Variants in MRC2 observed in about 807,000 individuals in gnomAD.
The protein encoded by MRC2 is mannose receptor C-type 2.
In MRC2, 84 loss-of-function variants were observed where a neutral mutation model predicts 206.2. The observed-to-expected ratio is 0.41, with a 90% CI of 0.34 to 0.49. The LOEUF (loss-of-function observed/expected upper bound fraction) is 0.49. Ranked by LOEUF, MRC2 falls within the 20% of genes least tolerant of loss-of-function variation. The probability of loss-of-function intolerance (pLI) is 0.31; values close to 1 mark genes in which losing one functional copy is unlikely to be tolerated. For missense variants in MRC2, 1,676 were observed against 2,001.5 expected, an observed-to-expected ratio of 0.84 and a Z score of 3.10; for synonymous variants, 798 against 800.0, an observed-to-expected ratio of 1.00 and a Z score of 0.04.
chr17:62,652,886 G>A lies in MRC2; in HGVS notation c.119-11662G>A, dbSNP rs1280085040. On this transcript the variant is annotated intron_variant, in intron 1 of 29. Coordinates refer to ENST00000303375, the MANE Select transcript of MRC2 (RefSeq NM_006039.5). The surrounding 1 kb of genome is among the most constrained non-coding windows in gnomAD (Gnocchi z 4.6). ...GGTGGCTTGGGGAGGGGCGCTCCTT[G>A]GAGTTGGGGGCGCACGATGGCGGGG... is the stretch of plus-strand genomic sequence containing the variant. Among the ~76,000 whole-genome samples, 8 of 151,056 alleles carry A rather than the reference G, an allele frequency of 5.3e-5. No homozygotes were observed. Among genetic ancestry groups the A allele is most frequent in the Non-Finnish European group, 1.0e-4 (7 of 67,668 alleles).
chr17:62,664,678 C>T lies in MRC2; in HGVS notation c.249C>T (p.Asn83=), dbSNP rs1362451939. The part of the protein sequence containing the change: ...PAQRWKWVSR[N]RLFNLGTMQC... ...AGCGCTGGAAGTGGGTCTCCCGAAA[C>T]CGGCTATTCAACCTGGGTACCATGC... The change falls in exon 2 of 30, where the codon AAC becomes AAT. Residue 83 remains asparagine, a synonymous_variant. Transcript: ENST00000303375. This position sits in a 1 kb window ranked among gnomAD's most constrained non-coding sequence, Gnocchi z 4.7. The T allele has an allele frequency of 3.1e-6, 5 of 1,614,016 alleles. No individual in the cohort carries two copies. In the South Asian group the frequency reaches 4.4e-5, roughly 14 times the overall value.
intron 19 of MRC2, 55 bp downstream of exon 19, chr17:62,681,992 G>A (rs2088974046): frequency 7.0e-7 from 1 of 1,436,042 alleles, no homozygotes. Context: ...GGTTAATGCT[G>A]GGCGAGCCTG....
intron 6 of MRC2, among the ~76,000 whole-genome samples, chr17:62,670,309 C>G (rs1435400781): frequency 3.3e-5 from 5 of 152,242 alleles, no homozygotes; most frequent in Non-Finnish European, 5.9e-5. Context: ...TCAGCAGCCA[C>G]TAAAATCCGC....
chr17:62,642,134 T>A (rs1321077366), intron 1 of MRC2, among the ~76,000 whole-genome samples: 1 of 152,216 alleles, frequency 6.6e-6, no homozygotes, highest in African/African-American at 2.4e-5. Flanking sequence ...TTATAGCTGT[T>A]TTAAAATTCA....
intron 1 of MRC2, among the ~76,000 whole-genome samples, chr17:62,633,696 C>T (rs1241380037): frequency 1.4e-5 from 2 of 147,186 alleles, no homozygotes; most frequent in Non-Finnish European, 3.0e-5. Context: ...AAAAAAAAAG[C>T]TGGGTGTCCT....
At chr17:62,639,275 C>T (rs1483061081) in intron 1 of MRC2, among the ~76,000 whole-genome samples, 1 of 152,078 alleles carries the variant, frequency 6.6e-6, no homozygotes, top group Non-Finnish European at 1.5e-5. Flanking sequence ...ACCCAGGAGG[C>T]AGAGGTTGTG....
chr17:62,647,448 G>A (rs1166707680), intron 1 of MRC2, among the ~76,000 whole-genome samples: 1 of 151,860 alleles, frequency 6.6e-6, no homozygotes, highest in Non-Finnish European at 1.5e-5. Context: ...GCCTCCTGAA[G>A]TGCTGAGATT....
At chr17:62,654,623 G>A (rs2088595706) in intron 1 of MRC2, among the ~76,000 whole-genome samples, 1 of 152,112 alleles carries the variant, frequency 6.6e-6, no homozygotes, top group South Asian at 2.1e-4. Context: ...GACACAAACT[G>A]TTGTCAAGCC....
chr17:62,658,517 G>A (rs368682529), intron 1 of MRC2, among the ~76,000 whole-genome samples: 1 of 152,208 alleles, frequency 6.6e-6, no homozygotes. Flanking sequence ...CAAGTGAGGG[G>A]AGGTTGGCCT....
In MRC2 at chr17:62,692,008, T is replaced by TC; in HGVS notation, c.4193-100dup. The TC allele has an allele frequency of 6.7e-7, 1 of 1,484,958 alleles. No homozygotes were observed. 92.0% of individuals were successfully genotyped at this position (1,484,958 alleles called of 1,614,324 possible). A position where few individuals can be genotyped will look rare whatever the true frequency, so the allele number is the denominator to read the frequency against. On this transcript the variant is annotated intron_variant, in intron 28 of 29. Transcript: ENST00000303375. This position sits in a 1 kb window ranked among gnomAD's most constrained non-coding sequence, Gnocchi z 4.2. Reference sequence around the variant, plus strand: ...GGGAGGGGGAACTAGAGCCTCTTTCTCCCCAGACCTCCCGGCCCAGGCCTG... The same window carrying TC: ...GGGAGGGGGAACTAGAGCCTCTTTCTCCCCCAGACCTCCCGGCCCAGGCCTG...
chr17:62,669,585 A>G (rs1318055251), intron 6 of MRC2, among the ~76,000 whole-genome samples: 1 of 151,950 alleles, frequency 6.6e-6, no homozygotes, highest in Non-Finnish European at 1.5e-5. Flanking sequence ...GCTGGAGTGC[A>G]GTGGCACAAT....
At chr17:62,654,913 G>A (rs898390381) in intron 1 of MRC2, among the ~76,000 whole-genome samples, 7 of 152,234 alleles carry the variant, frequency 4.6e-5, no homozygotes, top group African/African-American at 1.4e-4. Context: ...GCCAAGGTAG[G>A]AGGATCAGGA....
chr17:62,664,884 A>G lies in MRC2; in HGVS notation c.455A>G (p.Gln152Arg). 4 of 1,613,590 alleles carry G rather than the reference A, an allele frequency of 2.5e-6. No homozygotes were observed. The highest frequency in any genetic ancestry group is 3.4e-6 in the Non-Finnish European group (4 of 1,180,008). ...CCTGGCACCCTTGAGCGTGGTGACC[A>G]GACCCGCAGTGGCCAGTGGCGCATC... ...SKPGTLERGD[Q>R]TRSGQWRIYG... Residue 152 changes from glutamine to arginine, a missense_variant, in exon 2 of 30, where the codon CAG becomes CGG. By Grantham distance (43) the Gln-to-Arg change is conservative (BLOSUM62 1). Transcript: ENST00000303375. This position sits in a 1 kb window ranked among gnomAD's most constrained non-coding sequence, Gnocchi z 4.7.
At chr17:62,632,183 C>G (rs561555599) in intron 1 of MRC2, among the ~76,000 whole-genome samples, 1 of 152,234 alleles carries the variant, frequency 6.6e-6, no homozygotes, top group African/African-American at 2.4e-5. Flanking sequence ...GAGGGCTGTC[C>G]AGTGGCACCT....
intron 1 of MRC2, among the ~76,000 whole-genome samples, chr17:62,660,406 G>T (rs904059361): frequency 2.6e-5 from 4 of 152,178 alleles, no homozygotes; most frequent in Non-Finnish European, 5.9e-5. Flanking sequence ...TTGCAGGGTA[G>T]GGTTCTAAGC....
chr17:62,664,502 C>T lies in MRC2; in HGVS notation c.119-46C>T, dbSNP rs1376973275. On this transcript the variant is annotated intron_variant, in intron 1 of 29. Coordinates refer to ENST00000303375, the MANE Select transcript of MRC2 (RefSeq NM_006039.5). The surrounding 1 kb of genome is among the most constrained non-coding windows in gnomAD (Gnocchi z 4.7). ...AGCCACACCGGTCATCAAGGGCCAA[C>T]CAGGAGAGCCCCTGTGATGCCTTCG... 6 of 1,562,962 alleles carry T rather than the reference C, an allele frequency of 3.8e-6. No individual in the cohort carries two copies. The East Asian group carries it at 1.3e-4, about 35-fold the overall frequency.
At position 62,680,836 on chromosome 17, in the gene MRC2, A is replaced by G; in HGVS notation, c.2510A>G (p.Tyr837Cys). The change falls in exon 17 of 30, where the codon TAC (tyrosine) becomes TGC (cysteine). Residue 837 changes from tyrosine to cysteine, a missense_variant. This residue lies in a region of MRC2 where 1,354 missense variants were observed against 1,636.6 expected (regional missense o/e 0.83). Transcript: ENST00000303375. The surrounding 1 kb of genome is among the most constrained non-coding windows in gnomAD (Gnocchi z 4.8). ...TGGCTGCGCTTCCAGGAGGCCGAGTACAAGTTCTTTGAGCACCACTCCACG... is the reference window on the plus strand; with the variant it reads ...TGGCTGCGCTTCCAGGAGGCCGAGTGCAAGTTCTTTGAGCACCACTCCACG... ...REWLRFQEAEYKFFEHHSTWA... is the reference protein window; with the variant it reads ...REWLRFQEAECKFFEHHSTWA... 1 of 1,612,860 alleles carries G rather than the reference A, an allele frequency of 6.2e-7. No individual in the cohort carries two copies. Among genetic ancestry groups the G allele is most frequent in the Non-Finnish European group, 8.5e-7 (1 of 1,179,848 alleles).
intron 26 of MRC2, 33 bp downstream of exon 26, chr17:62,690,338 G>A: frequency 6.3e-7 from 1 of 1,578,916 alleles, no homozygotes. Flanking sequence ...ACACATGGCG[G>A]GCAGGTGGCA....
chr17:62,628,243 C>T (rs952092064), intron 1 of MRC2, among the ~76,000 whole-genome samples: 1 of 152,028 alleles, frequency 6.6e-6, no homozygotes, highest in Admixed American at 6.5e-5. Context: ...CGCTCCCGGA[C>T]CACCCGGCGC....
Sources: allele counts gnomAD v4.1 joint callset (sites outside exome capture counted in the v4.1 genomes callset), GRCh38; gene constraint gnomAD v4.1.1; regional missense constraint gnomAD v4.1.1; non-coding constraint Gnocchi (gnomAD v3.1); transcripts MANE v1.5; gene names NCBI Gene and HGNC (gene_info 2026-07-23, HGNC 2026-07-21).